ASB5: variants seen among roughly 807,000 people sequenced by gnomAD.
ASB5 encodes ankyrin repeat and SOCS box containing 5, also known as ankyrin repeat and SOCS box protein 5.
ASB5 carries 45 observed loss-of-function variants against 42.1 expected under a neutral mutation model. The ratio of observed to expected loss-of-function variants is 1.07; its 90% CI spans 0.84 to 1.37. ASB5 has a LOEUF of 1.37. Ranked by LOEUF, ASB5 falls within the 40% of genes most tolerant of loss-of-function variation. ASB5 has a pLI of 0.00. For missense variants in ASB5, 402 were observed against 399.8 expected, an observed-to-expected ratio of 1.01 and a Z score of -0.05; for synonymous variants, 147 against 150.6, an observed-to-expected ratio of 0.98 and a Z score of 0.18.
upstream of ASB5, among the ~76,000 whole-genome samples, chr4:176,273,426 A>G (rs1270137759): frequency 2.0e-5 from 3 of 152,148 alleles, no homozygotes; most frequent in Non-Finnish European, 2.9e-5. Context: ...TGAAAACATA[A>G]TCCTCATTTT....
Position 176,217,016 on chromosome 4 carries a change from G to A in ASB5, c.671-7C>T, listed in dbSNP as rs746405974. On this transcript the variant is annotated splice_polypyrimidine_tract_variant and splice_region_variant and intron_variant, in intron 5 of 6. Coordinates refer to ENST00000296525, the MANE Select transcript of ASB5 (RefSeq NM_080874.4). Reference sequence around the variant, plus strand: ...CCTTTCTGTACGTCAGCACCTACATGTAATACGGAGTGAAGATAAATATAA... The same window carrying A: ...CCTTTCTGTACGTCAGCACCTACATATAATACGGAGTGAAGATAAATATAA... 1 of 1,572,614 alleles carries A rather than the reference G, an allele frequency of 6.4e-7. No individual in the cohort carries two copies. Among genetic ancestry groups the A allele is most frequent in the East Asian group, 2.3e-5 (1 of 44,306 alleles).
chr4:176,256,793 G>T (rs1754165418), intron 1 of ASB5, among the ~76,000 whole-genome samples: 1 of 152,088 alleles, frequency 6.6e-6, no homozygotes, highest in African/African-American at 2.4e-5. Flanking sequence ...ACAAAAATTA[G>T]CTGGGCATGG....
At chr4:176,248,329 C>T (rs1241747350) in intron 1 of ASB5, among the ~76,000 whole-genome samples, 4 of 152,044 alleles carry the variant, frequency 2.6e-5, no homozygotes, top group Admixed American at 6.6e-5. Flanking sequence ...GGTTTTGCCA[C>T]GTTGCCCAAG....
Position 176,220,975 on chromosome 4 carries a change from C to A in ASB5, c.670+180G>T, listed in dbSNP as rs866339930. ...AAGCCGACTTATCAAGAACGAGGTTCTTTTTTATTGCTTATCAAGAATGAG... is the reference window on the plus strand; with the variant it reads ...AAGCCGACTTATCAAGAACGAGGTTATTTTTTATTGCTTATCAAGAATGAG... On this transcript the variant is annotated intron_variant, in intron 5 of 6. Coordinates refer to ENST00000296525, the MANE Select transcript of ASB5 (RefSeq NM_080874.4). Among the ~76,000 whole-genome samples, 6 of 152,170 alleles carry A rather than the reference C, an allele frequency of 3.9e-5. No individual in the cohort carries two copies. In the Middle Eastern group the frequency reaches 0.014, roughly 345 times the overall value.
intron 1 of ASB5, among the ~76,000 whole-genome samples, chr4:176,234,539 C>T (rs1162165026): frequency 6.6e-6 from 1 of 152,180 alleles, no homozygotes; most frequent in Non-Finnish European, 1.5e-5. Flanking sequence ...TTCTTCTCAG[C>T]ACTTATTACT....
chr4:176,268,966 C>T lies in ASB5; in HGVS notation c.143G>A (p.Arg48His), dbSNP rs142909507. Residue 48 changes from arginine to histidine, a missense_variant, in exon 1 of 7, where the codon CGC becomes CAC. Arg to His is a conservative substitution (Grantham distance 29). Transcript: ENST00000296525. ...AGCTGCTATCCTTGCCGCTTCCTTG[C>T]GGTTGCCTTTCACTATGTAGAAATG... is the stretch of plus-strand genomic sequence containing the variant. ...LSHFYIVKGN[R>H]KEAARIAAEF... 8.1e-5 allele frequency: 130 copies of T among 1,612,952 alleles called. No individual in the cohort carries two copies. The African/African-American group carries it at 1.6e-3, about 20-fold the overall frequency.
intron 6 of ASB5, among the ~76,000 whole-genome samples, chr4:176,216,021 A>G (rs1010607087): frequency 2.0e-5 from 3 of 152,156 alleles, no homozygotes; most frequent in South Asian, 2.1e-4. Flanking sequence ...AAGGAGATAT[A>G]AATCAAAAGT....
intron 1 of ASB5, among the ~76,000 whole-genome samples, chr4:176,228,222 A>T (rs58729679): frequency 0.02 from 3,018 of 152,274 alleles, 111 homozygotes; most frequent in African/African-American, 0.068. Context: ...TTTATTAATC[A>T]TCTCTTACTA....
chr4:176,265,673 C>T (rs1754342858), intron 1 of ASB5, among the ~76,000 whole-genome samples: 1 of 152,148 alleles, frequency 6.6e-6, no homozygotes, highest in Non-Finnish European at 1.5e-5. Flanking sequence ...ATGGCTTCTT[C>T]TAGGCCTTTG....
intron 1 of ASB5, among the ~76,000 whole-genome samples, chr4:176,238,206 C>CA (rs3060874): frequency 0.26 from 26,501 of 101,096 alleles, 3,666 homozygotes; most frequent in African/African-American, 0.29. Context: ...GACTCCGTCT[C>CA]AAAAAAAAAA....
chr4:176,228,122 T>C (rs1483615390), intron 1 of ASB5, among the ~76,000 whole-genome samples: 1 of 152,272 alleles, frequency 6.6e-6, no homozygotes, highest in East Asian at 1.9e-4. Flanking sequence ...CAAGATCTTT[T>C]TAATTTAGTG....
At chr4:176,218,132 T>C (rs1046371040) in intron 5 of ASB5, among the ~76,000 whole-genome samples, 2 of 127,518 alleles carry the variant, frequency 1.6e-5, no homozygotes, top group Non-Finnish European at 3.6e-5. Flanking sequence ...TCTATATATA[T>C]ATATTTGTAT....
At position 176,215,665 on chromosome 4, in the gene ASB5, T is replaced by C; in HGVS notation, c.925A>G (p.Arg309Gly). Residue 309 changes from arginine to glycine, a missense_variant, in exon 7 of 7, where the codon AGA becomes GGA. Arg to Gly is a moderately radical substitution (Grantham distance 125). Transcript: ENST00000296525. ...LCIRSYIGKP[R>G]LHLIPQLQLP... The stretch of plus-strand genomic sequence containing the variant: ...TGGAGTTGTGGGATAAGGTGCAATC[T>C]TGGTTTTCCTATGTAGCTTCGGATA... 1 of 1,613,336 alleles carries C rather than the reference T, an allele frequency of 6.2e-7. No homozygotes were observed. The highest frequency in any genetic ancestry group is 2.2e-5 in the East Asian group (1 of 44,764).
At chr4:176,249,471 C>A (rs1753979819) in intron 1 of ASB5, 1 of 152,130 alleles carries the variant, frequency 6.6e-6, no homozygotes, top group Admixed American at 6.6e-5. Flanking sequence ...CTTGGCTCTT[C>A]TTACCCTGCT....
intron 1 of ASB5, among the ~76,000 whole-genome samples, chr4:176,234,292 T>C (rs112704013): frequency 1.4e-4 from 21 of 152,296 alleles, no homozygotes; most frequent in African/African-American, 5.1e-4. Context: ...CTACCCACTT[T>C]TTCCTAGGCC....
chr4:176,229,313 T>C lies in ASB5; in HGVS notation c.197-3972A>G, dbSNP rs1413921903. On this transcript the variant is annotated intron_variant, in intron 1 of 6. Transcript: ENST00000296525. The stretch of plus-strand genomic sequence containing the variant: ...CTAGAGACGTGGCCTTTGGGATTCA[T>C]TCTGGACTCATTCCTTTCTAGTATA... 2.6e-5 allele frequency among the ~76,000 whole-genome samples: 4 copies of C among 152,314 alleles called. No homozygotes were observed. In the East Asian group the frequency reaches 7.7e-4, roughly 29 times the overall value.
chr4:176,225,039 GCTGT>G (rs1467715987), intron 2 of ASB5, among the ~76,000 whole-genome samples: 2 of 152,174 alleles, frequency 1.3e-5, no homozygotes, highest in Non-Finnish European at 2.9e-5. Context: ...GAACAAATAT[GCTGT>G]CTGAGAAATC....
intron 2 of ASB5, among the ~76,000 whole-genome samples, chr4:176,225,026 G>A (rs543950539): frequency 9.2e-5 from 14 of 152,234 alleles, no homozygotes; most frequent in African/African-American, 2.4e-4. Flanking sequence ...AATGTCTATC[G>A]ATGAACAAAT....
In ASB5 at chr4:176,222,331, C is replaced by G. The variant is rs764359216; in HGVS notation, c.366G>C (p.Leu122=). Reference sequence around the variant, plus strand: ...TACTTACATTAGCTCCTGCTTCCAGCAGAGTTCTGGCACATGCCACGTGAT... The same window carrying G: ...TACTTACATTAGCTCCTGCTTCCAGGAGAGTTCTGGCACATGCCACGTGAT... The part of the protein sequence containing the change: ...LGDHVACART[L]LEAGANVNAI... Residue 122 remains leucine (L), a synonymous_variant, in exon 3 of 7, where the codon CTG becomes CTC. Coordinates refer to ENST00000296525, the MANE Select transcript of ASB5 (RefSeq NM_080874.4). 16 of 1,613,206 alleles carry G rather than the reference C, an allele frequency of 9.9e-6. No homozygotes were observed. Among genetic ancestry groups the G allele is most frequent in the Middle Eastern group, 1.6e-4 (1 of 6,080 alleles).
Sources: gnomAD v4.1 joint callset for allele counts (sites outside exome capture counted in the v4.1 genomes callset) on GRCh38, gnomAD v4.1.1 for gene constraint, MANE v1.5 for transcripts, NCBI Gene and HGNC (gene_info 2026-07-23, HGNC 2026-07-21) for gene names.